Variants in SELENOO observed in about 807,000 individuals in gnomAD.
SELENOO encodes selenoprotein O, also known as protein adenylyltransferase SelO, mitochondrial.
A neutral mutation model predicts 58.7 loss-of-function variants in SELENOO; 74 were observed. The observed-to-expected ratio is 1.26, with a 90% CI of 1.04 to 1.53. The LOEUF (loss-of-function observed/expected upper bound fraction) is 1.53. Ranked by LOEUF, SELENOO falls within the 40% of genes most tolerant of loss-of-function variation. SELENOO has a pLI of 0.00. For synonymous variants in SELENOO, 543 were observed against 453.2 expected, an observed-to-expected ratio of 1.20 and a Z score of -2.52; for missense variants, 1,149 against 970.0, an observed-to-expected ratio of 1.18 and a Z score of -2.45.
rs1392647702 is a variant in SELENOO at position 50,210,398 on chromosome 22, C to T, written c.1070+87C>T. 7.9e-6 allele frequency: 12 copies of T among 1,521,952 alleles called. No homozygotes were observed. The East Asian group carries it at 9.1e-5, about 12-fold the overall frequency. 94.3% of individuals were successfully genotyped at this position (1,521,952 alleles called of 1,614,324 possible). ...AAACCTGCTGCCCCCAGGCACTGGCCCGTGATGCTTGAGGGGGAGCCGAGG... is the reference window on the plus strand; with the variant it reads ...AAACCTGCTGCCCCCAGGCACTGGCTCGTGATGCTTGAGGGGGAGCCGAGG... On this transcript the variant is annotated intron_variant, in intron 4 of 8. Coordinates refer to ENST00000380903, the MANE Select transcript of SELENOO (RefSeq NM_031454.2).
At position 50,217,268 on chromosome 22, in the gene SELENOO, G is replaced by A. The variant is rs763080589; in HGVS notation, c.1909G>A (p.Ala637Thr). ...CTGCGAGGCGGGGGCCGCCACAGAC[G>A]CCGAGGCCACGGAAGCCGACGGGGC... ...YHCEAGAATD[A>T]EATEADGADG... Residue 637 changes from alanine to threonine, a missense_variant, in exon 9 of 9, where the codon GCC becomes ACC. Physicochemically the swap from Ala to Thr is moderately conservative, Grantham distance 58. Transcript: ENST00000380903. The A allele has an allele frequency of 8.5e-5, 137 of 1,611,974 alleles. No individual in the cohort carries two copies. Among genetic ancestry groups the A allele is most frequent in the Non-Finnish European group, 1.1e-4 (124 of 1,179,620 alleles).
chr22:50,201,637 G>T (rs1359786733), intron 1 of SELENOO, 47 bp downstream of exon 1: 25 of 1,208,100 alleles, frequency 2.1e-5, no homozygotes, highest in Non-Finnish European at 2.6e-5. Context: ...CCCCGCCGGG[G>T]CGCCCCTTCC....
intron 2 of SELENOO, among the ~76,000 whole-genome samples, chr22:50,206,753 T>C (rs1244715659): frequency 6.6e-6 from 1 of 152,218 alleles, no homozygotes; most frequent in African/African-American, 2.4e-5. Context: ...GTTAGGACAC[T>C]TGTGCTGAGC....
rs1341598452 is a variant in SELENOO, at chr22:50,210,803, C to CA, written c.1246dup (p.Arg416LysfsTer142). 6.2e-7 allele frequency: 1 copy of CA among 1,613,996 alleles called. No homozygotes were observed. The highest frequency in any genetic ancestry group is 8.5e-7 in the Non-Finnish European group (1 of 1,180,026). On this transcript the variant is annotated frameshift_variant, in exon 5 of 9. Coordinates refer to ENST00000380903, the MANE Select transcript of SELENOO (RefSeq NM_031454.2). LOFTEE classifies it high-confidence loss of function. ...GGCCGAGGAGTTTGACGCCGAGTTC[C>CA]AAAGGCACTACCTGCAGAAGATGCG...
At chr22:50,216,664 C>T (rs986342114) in intron 6 of SELENOO, 27 bp from the exon 7 acceptor site, 1 of 1,554,560 alleles carries the variant, frequency 6.4e-7, no homozygotes, top group Middle Eastern at 2.2e-4. Context: ...CAGGGGCTAC[C>T]TCCCAGACAC....
chr22:50,211,298 T>G (rs1311900289), intron 5 of SELENOO, among the ~76,000 whole-genome samples: 1 of 152,204 alleles, frequency 6.6e-6, no homozygotes, highest in Non-Finnish European at 1.5e-5. Context: ...CTGTGTGTTG[T>G]GTGCCGTGCT....
At chr22:50,201,766 G>A (rs1411348558) in intron 1 of SELENOO, among the ~76,000 whole-genome samples, 176 bp downstream of exon 1, 1 of 152,266 alleles carries the variant, frequency 6.6e-6, no homozygotes. Flanking sequence ...ACCCGCCGAG[G>A]ACCTTGGAGT....
chr22:50,202,888 G>A (rs762714173), intron 1 of SELENOO, among the ~76,000 whole-genome samples: 3 of 152,062 alleles, frequency 2.0e-5, no homozygotes, highest in Non-Finnish European at 4.4e-5. Flanking sequence ...GCTGTGAGAA[G>A]GAAGAGACTT....
rs200675763 is a variant in SELENOO at position 50,217,240 on chromosome 22, C to G, written c.1881C>G (p.Tyr627Ter). The G allele has an allele frequency of 2.7e-5, 43 of 1,611,882 alleles. No homozygotes were observed. The highest frequency in any genetic ancestry group is 3.5e-5 in the Non-Finnish European group (41 of 1,179,506). The change falls in exon 9 of 9, where the codon TAC becomes TAG. Residue 627 changes from tyrosine (Y) to a stop codon, truncating the protein, a stop_gained. Coordinates refer to ENST00000380903, the MANE Select transcript of SELENOO (RefSeq NM_031454.2). LOFTEE classifies it low-confidence loss of function (END_TRUNC). The stretch of plus-strand genomic sequence containing the variant: ...TGCTGAAACTACTGGAGACCCCTTA[C>G]CACTGCGAGGCGGGGGCCGCCACAG... ...RRVLKLLETP[Y>*]HCEAGAATDA...
chr22:50,217,019 G>A lies in SELENOO; in HGVS notation c.1736G>A (p.Trp579Ter). 1 of 1,611,856 alleles carries A rather than the reference G, an allele frequency of 6.2e-7. No homozygotes were observed. The highest frequency in any genetic ancestry group is 1.7e-5 in the Admixed American group (1 of 60,014). The change falls in exon 8 of 9, where the codon TGG (tryptophan) becomes TAG (stop). Residue 579 changes from tryptophan (W) to a stop codon, truncating the protein, a stop_gained. Coordinates refer to ENST00000380903, the MANE Select transcript of SELENOO (RefSeq NM_031454.2). LOFTEE classifies it high-confidence loss of function. The stretch of plus-strand genomic sequence containing the variant: ...GAAGGCGCTGGGGACGCTGCCGCCT[G>A]GCAGGCTGAGCACGTGCGCGTGATG... ...DLEGAGDAAA[W>*]QAEHVRVMHA...
At position 50,201,182 on chromosome 22, in the gene SELENOO, G is replaced by T. The variant is rs2064296290; in HGVS notation, c.146G>T (p.Arg49Leu). The change falls in exon 1 of 9, where the codon CGC (arginine) becomes CTC (leucine). Residue 49 changes from arginine (R) to leucine (L), a missense_variant. By Grantham distance (102) the Arg-to-Leu change is moderately radical. Coordinates refer to ENST00000380903, the MANE Select transcript of SELENOO (RefSeq NM_031454.2). Reference sequence around the variant, plus strand: ...GCGCCTCGCTGGCTGGCGGGGCTGCGCTTCGACAACCGCGCCCTGCGCGCC... The same window carrying T: ...GCGCCTCGCTGGCTGGCGGGGCTGCTCTTCGACAACCGCGCCCTGCGCGCC... ...EPAPRWLAGL[R>L]FDNRALRALP... 5 of 1,230,436 alleles carry T rather than the reference G, an allele frequency of 4.1e-6. No homozygotes were observed. The highest frequency in any genetic ancestry group is 5.1e-6 in the Non-Finnish European group (5 of 985,738). 76.2% of individuals were successfully genotyped at this position (1,230,436 alleles called of 1,614,324 possible).
In SELENOO at chr22:50,201,296, C is replaced by T. The variant is rs1485591090; in HGVS notation, c.260C>T (p.Pro87Leu). The change falls in exon 1 of 9, where the codon CCC (proline) becomes CTC (leucine). Residue 87 changes from proline to leucine, a missense_variant. By Grantham distance (98) the Pro-to-Leu change is moderately conservative. Transcript: ENST00000380903. ...VPGACFTRVQ[P>L]TPLRQPRLVA... ...GGGGCCTGCTTCACCCGCGTGCAGC[C>T]CACCCCGCTGCGGCAGCCGCGCCTC... 3 of 1,096,064 alleles carry T rather than the reference C, an allele frequency of 2.7e-6. No individual in the cohort carries two copies. Among genetic ancestry groups the T allele is most frequent in the Non-Finnish European group, 3.3e-6 (3 of 904,120 alleles). The allele number at this position is 1,096,064 out of a possible 1,614,324, so 67.9% of individuals were successfully genotyped here.
intron 5 of SELENOO, 32 bp from the exon 6 acceptor site, chr22:50,215,682 TCTG>T (rs1463819765): frequency 6.6e-7 from 1 of 1,518,706 alleles, no homozygotes; most frequent in Admixed American, 1.8e-5. Flanking sequence ...CCCTGGGCCT[TCTG>T]CTTCCAGCTC....
At chr22:50,206,891 C>T (rs528191614) in intron 2 of SELENOO, among the ~76,000 whole-genome samples, 49 of 124,634 alleles carry the variant, frequency 3.9e-4, no homozygotes, top group African/African-American at 1.5e-3. Flanking sequence ...CCTGGTGCTT[C>T]TGGGGGGGAG....
intron 2 of SELENOO, among the ~76,000 whole-genome samples, chr22:50,208,186 C>T (rs1039617931): frequency 1.3e-5 from 2 of 152,156 alleles, no homozygotes; most frequent in African/African-American, 4.8e-5. Flanking sequence ...AATCCCAGCA[C>T]TTTGGGAGGC....
Position 50,201,597 on chromosome 22 carries a change from CG to C in SELENOO, c.554+11del. ...GGCCCACGCCCTTCTCCAGGTGGGC[CG>C]GGGCGGGCGAGGGGCGCGGGTGGGT... On this transcript the variant is annotated splice_region_variant and intron_variant, in intron 1 of 8. Coordinates refer to ENST00000380903, the MANE Select transcript of SELENOO (RefSeq NM_031454.2). 2 of 1,273,986 alleles carry C rather than the reference CG, an allele frequency of 1.6e-6. No individual in the cohort carries two copies. Among genetic ancestry groups the C allele is most frequent in the Non-Finnish European group, 2.0e-6 (2 of 1,007,444 alleles). The allele number at this position is 1,273,986 out of a possible 1,614,324, so 78.9% of individuals were successfully genotyped here.
Position 50,216,593 on chromosome 22 carries a change from G to T in SELENOO, c.1503-98G>T, listed in dbSNP as rs577804129. 1.8e-5 allele frequency: 22 copies of T among 1,190,008 alleles called. No individual in the cohort carries two copies. The South Asian group carries it at 3.1e-4, about 17-fold the overall frequency. The allele number at this position is 1,190,008 out of a possible 1,614,324, so 73.7% of individuals were successfully genotyped here. The stretch of plus-strand genomic sequence containing the variant: ...GGGCTGCTTGGGCCCTTGGACTCTA[G>T]GTGAGCCGTGAGAGCGGGCTGGGGC... On this transcript the variant is annotated intron_variant, in intron 6 of 8. Transcript: ENST00000380903.
chr22:50,205,710 G>A (rs937275715), intron 1 of SELENOO: 4 of 152,778 alleles, frequency 2.6e-5, no homozygotes, highest in African/African-American at 7.2e-5. Context: ...CCCTGGCCTC[G>A]GCAGTTCTGC....
At chr22:50,207,441 G>C (rs1019538808) in intron 2 of SELENOO, among the ~76,000 whole-genome samples, 1 of 151,952 alleles carries the variant, frequency 6.6e-6, no homozygotes, top group Non-Finnish European at 1.5e-5. Flanking sequence ...ATCAGTTTTT[G>C]ATGTCACCTT....
Sources: allele counts gnomAD v4.1 joint callset (sites outside exome capture counted in the v4.1 genomes callset), GRCh38; gene constraint gnomAD v4.1.1; transcripts MANE v1.5; gene names NCBI Gene and HGNC (gene_info 2026-07-23, HGNC 2026-07-21).